THBS4: variants seen among roughly 807,000 people sequenced by gnomAD.
THBS4 encodes the protein thrombospondin 4, also known as thrombospondin-4.
THBS4 carries 90 observed loss-of-function variants against 115.7 expected under a neutral mutation model. The ratio of observed to expected loss-of-function variants is 0.78; its 90% CI spans 0.66 to 0.93. The LOEUF is 0.93. Among genes scored for constraint, THBS4 ranks in the 40% least tolerant of loss-of-function variants. The probability of loss-of-function intolerance (pLI) is 0.00; values close to 1 mark genes in which losing one functional copy is unlikely to be tolerated. For missense variants in THBS4, 1,087 were observed against 1,232.7 expected, an observed-to-expected ratio of 0.88 and a Z score of 1.77; for synonymous variants, 460 against 479.3, an observed-to-expected ratio of 0.96 and a Z score of 0.53.
chr5:80,061,955 T>C (rs149004198), intron 8 of THBS4, 123 bp downstream of exon 8: 3 of 1,109,508 alleles, frequency 2.7e-6, no homozygotes, highest in Non-Finnish European at 2.4e-6. Context: ...AATGTCATGG[T>C]GCAAAATGAG....
intron 13 of THBS4, 55 bp downstream of exon 13, chr5:80,071,235 T>C: frequency 6.5e-7 from 1 of 1,534,246 alleles, no homozygotes; most frequent in Non-Finnish European, 8.7e-7. Context: ...CTTGTTCCAT[T>C]GTTCTCTGAG....
intron 2 of THBS4, among the ~76,000 whole-genome samples, chr5:80,054,198 A>C (rs1362503794): frequency 3.6e-5 from 5 of 139,640 alleles, no homozygotes; most frequent in Non-Finnish European, 7.6e-5. Context: ...TCTTTTGCCC[A>C]GGCTGGAGTG....
intron 2 of THBS4, among the ~76,000 whole-genome samples, chr5:80,047,640 T>C (rs1166575050): frequency 3.3e-5 from 5 of 151,280 alleles, no homozygotes; most frequent in Admixed American, 6.6e-5. Flanking sequence ...AGAATTTTTT[T>C]TTTTTTTTTT....
intron 2 of THBS4, among the ~76,000 whole-genome samples, chr5:80,002,604 A>G (rs951362680): frequency 2.6e-5 from 4 of 151,862 alleles, no homozygotes; most frequent in African/African-American, 9.7e-5. Flanking sequence ...AGTCAACTGT[A>G]ATCACTTGGT....
chr5:80,079,985 G>A lies in THBS4; in HGVS notation c.2592G>A (p.Arg864=). The change falls in exon 20 of 22, where the codon AGG becomes AGA. Residue 864 remains arginine (R), a synonymous_variant. Coordinates refer to ENST00000350881, the MANE Select transcript of THBS4 (RefSeq NM_003248.6). ...CGGGGGACACCAGTGACCAGGTCAG[G>A]CTGCTGTGGAAGGACTCCAGGAATG... is the stretch of plus-strand genomic sequence containing the variant. The part of the protein sequence containing the change: ...WHTGDTSDQV[R]LLWKDSRNVG... 1 of 1,614,100 alleles carries A rather than the reference G, an allele frequency of 6.2e-7. No homozygotes were observed. The highest frequency in any genetic ancestry group is 1.1e-5 in the South Asian group (1 of 91,062).
chr5:80,076,950 G>GTGATGATGA lies in THBS4; in HGVS notation c.1995_2003dup (p.Asp666_Asp668dup). ...GATAAGGATGGAATTGGTGACGAGTGTGATGATGATGATGACAATGATGGT... is the reference window on the plus strand; with the variant it reads ...GATAAGGATGGAATTGGTGACGAGTGTGATGATGATGATGATGATGATGACAATGATGGT... On this transcript the variant is annotated inframe_insertion, in exon 16 of 22. Transcript: ENST00000350881. 6.2e-7 allele frequency: 1 copy of GTGATGATGA among 1,613,894 alleles called. No individual in the cohort carries two copies. Among genetic ancestry groups the GTGATGATGA allele is most frequent in the Non-Finnish European group, 8.5e-7 (1 of 1,179,904 alleles).
intron 2 of THBS4, among the ~76,000 whole-genome samples, chr5:80,028,042 A>G (rs1180319197): frequency 6.6e-6 from 1 of 152,040 alleles, no homozygotes; most frequent in African/African-American, 2.4e-5. Context: ...TTTACAGACA[A>G]ACTTCTTAAA....
chr5:79,996,920 C>T (rs1831804572), intron 1 of THBS4, among the ~76,000 whole-genome samples: 1 of 151,726 alleles, frequency 6.6e-6, no homozygotes, highest in Non-Finnish European at 1.5e-5. Flanking sequence ...GTGGTAAAAC[C>T]TAATATACCA....
intron 17 of THBS4, 142 bp downstream of exon 17, chr5:80,078,369 A>G (rs1348233791): frequency 1.3e-5 from 8 of 617,584 alleles, no homozygotes; most frequent in Non-Finnish European, 2.0e-5. Context: ...GCCCTATGAC[A>G]GACTACTTCA....
intron 2 of THBS4, among the ~76,000 whole-genome samples, chr5:80,005,912 G>A (rs1359997868): frequency 1.3e-5 from 2 of 151,760 alleles, no homozygotes; most frequent in Admixed American, 1.3e-4. Flanking sequence ...GACTACAGGT[G>A]TGCGCCATCA....
At chr5:80,078,748 A>T in intron 17 of THBS4, 173 bp from the exon 18 acceptor site, 2 of 559,820 alleles carry the variant, frequency 3.6e-6, no homozygotes, top group Non-Finnish European at 6.0e-6. Context: ...TTACAAGCAC[A>T]TGCTTTCTTT....
chr5:79,995,106 C>T (rs894558009), intron 1 of THBS4, among the ~76,000 whole-genome samples: 1 of 152,036 alleles, frequency 6.6e-6, no homozygotes, highest in Non-Finnish European at 1.5e-5. Flanking sequence ...GGAGACTGCT[C>T]AGGGAGAGTA....
intron 15 of THBS4, among the ~76,000 whole-genome samples, chr5:80,074,626 CTTTT>C (rs35937190): frequency 2.8e-5 from 4 of 142,518 alleles, no homozygotes; most frequent in Non-Finnish European, 4.6e-5. Flanking sequence ...CTCTCTCTCT[CTTTT>C]TTTTTTTTTT....
At chr5:80,051,117 G>A (rs532542580) in intron 2 of THBS4, among the ~76,000 whole-genome samples, 47 of 152,278 alleles carry the variant, frequency 3.1e-4, no homozygotes, top group Non-Finnish European at 4.6e-4. Context: ...GATGAGCACC[G>A]GGAAAGGGGG....
chr5:80,073,396 T>G (rs1743008333), intron 15 of THBS4, 69 bp downstream of exon 15: 15 of 1,473,924 alleles, frequency 1.0e-5, no homozygotes, highest in South Asian at 1.2e-5. Context: ...GTTTGTTTTT[T>G]TTTTTGAGGC....
intron 2 of THBS4, among the ~76,000 whole-genome samples, chr5:80,020,140 A>G (rs768375911): frequency 6.6e-6 from 1 of 152,228 alleles, no homozygotes; most frequent in Admixed American, 6.5e-5. Flanking sequence ...GTGAACGTAA[A>G]TGAAGGGTCC....
intron 2 of THBS4, among the ~76,000 whole-genome samples, chr5:80,014,284 C>T (rs552039467): frequency 5.3e-5 from 8 of 152,308 alleles, no homozygotes; most frequent in South Asian, 2.1e-4. Context: ...ATGGATGTAA[C>T]GGTGGCCTCC....
chr5:80,020,254 C>T (rs1451751665), intron 2 of THBS4, among the ~76,000 whole-genome samples: 2 of 152,010 alleles, frequency 1.3e-5, no homozygotes, highest in African/African-American at 2.4e-5. Flanking sequence ...AGGTGGATCA[C>T]GAGGTCAGGA....
chr5:80,008,620 T>C (rs1040252757), intron 2 of THBS4, among the ~76,000 whole-genome samples: 12 of 152,164 alleles, frequency 7.9e-5, no homozygotes, highest in Non-Finnish European at 1.5e-5. Flanking sequence ...AATACCTCAA[T>C]ACAATTTCAA....
Sources: gnomAD v4.1 joint callset for allele counts (sites outside exome capture counted in the v4.1 genomes callset) on GRCh38, gnomAD v4.1.1 for gene constraint, MANE v1.5 for transcripts, NCBI Gene and HGNC (gene_info 2026-07-23, HGNC 2026-07-21) for gene names.